The following GALNTL6 variants were observed in gnomAD, a reference collection of about 807,000 sequenced individuals.
GALNTL6 encodes the protein polypeptide N-acetylgalactosaminyltransferase like 6.
GALNTL6 carries 46 observed loss-of-function variants against 73.7 expected under a neutral mutation model. That is an observed-to-expected ratio of 0.62 (90% CI 0.49 to 0.80). The LOEUF (loss-of-function observed/expected upper bound fraction) is 0.80, where lower values mean the gene tolerates loss of function less well. Ranked by LOEUF, GALNTL6 falls within the 30% of genes least tolerant of loss-of-function variation. The pLI, the probability that GALNTL6 is intolerant of heterozygous loss-of-function variation, is 0.00. For missense variants in GALNTL6, 604 were observed against 755.0 expected (o/e 0.80, Z 2.34); for synonymous variants, 259 against 263.7 (o/e 0.98, Z 0.17).
intron 5 of GALNTL6, among the ~76,000 whole-genome samples, chr4:172,483,202 C>T (rs1733553628): frequency 6.6e-6 from 1 of 152,058 alleles, no homozygotes; most frequent in South Asian, 2.1e-4. Flanking sequence ...TATATAATTC[C>T]ATAAACCAAT....
chr4:172,907,429 C>T (rs1746960483), intron 8 of GALNTL6, among the ~76,000 whole-genome samples: 1 of 152,156 alleles, frequency 6.6e-6, no homozygotes, highest in African/African-American at 2.4e-5. Context: ...GTTGAGCTTT[C>T]ACAGGTATGT....
At chr4:172,796,975 T>C (rs891521656) in intron 5 of GALNTL6, among the ~76,000 whole-genome samples, 3 of 152,192 alleles carry the variant, frequency 2.0e-5, no homozygotes, top group Admixed American at 6.5e-5. Flanking sequence ...CTGTTCTTGT[T>C]AGCAGTTATT....
At chr4:172,567,136 C>A (rs1339630195) in intron 5 of GALNTL6, among the ~76,000 whole-genome samples, 2 of 151,888 alleles carry the variant, frequency 1.3e-5, no homozygotes, top group Non-Finnish European at 2.9e-5. Context: ...ATGTCAGATG[C>A]AGCCCCCTAG....
intron 7 of GALNTL6, 134 bp downstream of exon 7, chr4:172,813,857 C>T: frequency 1.6e-6 from 1 of 617,486 alleles, no homozygotes; most frequent in Non-Finnish European, 2.7e-6. Context: ...CAAAACATCA[C>T]AGAAAGGTCA....
At chr4:172,828,564 T>C (rs1164789705) in intron 7 of GALNTL6, among the ~76,000 whole-genome samples, 3 of 151,554 alleles carry the variant, frequency 2.0e-5, no homozygotes, top group African/African-American at 7.3e-5. Flanking sequence ...TAAATTAGCA[T>C]AAAAAAAGAG....
intron 5 of GALNTL6, among the ~76,000 whole-genome samples, chr4:172,462,251 T>C (rs1241541946): frequency 6.6e-6 from 1 of 152,194 alleles, no homozygotes; most frequent in African/African-American, 2.4e-5. Context: ...TTCCCTGTTA[T>C]CTATATCTAT....
chr4:172,383,176 A>AT (rs1252667792), intron 5 of GALNTL6, among the ~76,000 whole-genome samples: 3 of 152,016 alleles, frequency 2.0e-5, no homozygotes, highest in African/African-American at 4.8e-5. Flanking sequence ...AAGGTAATTG[A>AT]TTTTTTTGGT....
At chr4:173,034,501 A>G (rs1472733691) in intron 12 of GALNTL6, among the ~76,000 whole-genome samples, 1 of 152,042 alleles carries the variant, frequency 6.6e-6, no homozygotes, top group Admixed American at 6.6e-5. Context: ...CCCAACCTCC[A>G]TCACCTCTGA....
chr4:172,114,980 G>A (rs961853832), intron 2 of GALNTL6, among the ~76,000 whole-genome samples: 1 of 152,028 alleles, frequency 6.6e-6, no homozygotes, highest in Non-Finnish European at 1.5e-5. Context: ...AAGCACACAA[G>A]CCATTCCCAT....
chr4:172,772,834 A>G (rs1039621815), intron 5 of GALNTL6, among the ~76,000 whole-genome samples: 2 of 152,194 alleles, frequency 1.3e-5, no homozygotes, highest in Non-Finnish European at 2.9e-5. Flanking sequence ...TGGGAGTATT[A>G]TCATGGATTA....
At chr4:172,349,845 A>ATTTT (rs1554016263) in intron 5 of GALNTL6, among the ~76,000 whole-genome samples, 28 of 94,336 alleles carry the variant, frequency 3.0e-4, no homozygotes, top group South Asian at 2.1e-3. Context: ...ATATATATAT[A>ATTTT]TTTTTTTTAA....
At chr4:172,463,152 G>A (rs1732676025) in intron 5 of GALNTL6, among the ~76,000 whole-genome samples, 1 of 152,062 alleles carries the variant, frequency 6.6e-6, no homozygotes. Flanking sequence ...CAAGAGCTTA[G>A]AAGGATTGTA....
intron 2 of GALNTL6, among the ~76,000 whole-genome samples, chr4:172,118,031 A>G (rs1276336610): frequency 2.0e-5 from 3 of 152,128 alleles, no homozygotes; most frequent in Non-Finnish European, 2.9e-5. Context: ...CTGTAAAGCT[A>G]ACCTTTGTGC....
intron 2 of GALNTL6, among the ~76,000 whole-genome samples, chr4:171,852,528 ATATATAGCTTTCTT>A (rs908731150): frequency 1.3e-5 from 2 of 151,380 alleles, no homozygotes; most frequent in East Asian, 3.9e-4. Flanking sequence ...TTATATATAT[ATATATAGCTTTCTT>A]TATATAGCTT....
intron 2 of GALNTL6, among the ~76,000 whole-genome samples, chr4:171,996,833 GA>G (rs1740508172): frequency 1.3e-5 from 2 of 151,766 alleles, no homozygotes; most frequent in Admixed American, 6.6e-5. Context: ...GCCACGGGTT[GA>G]ACAAGCTTGC....
chr4:172,737,964 C>G (rs577201110), intron 5 of GALNTL6, among the ~76,000 whole-genome samples: 1 of 152,118 alleles, frequency 6.6e-6, no homozygotes, highest in Non-Finnish European at 1.5e-5. Flanking sequence ...GGGAACATAC[C>G]TCCTATAGCT....
At chr4:172,830,410 A>G (rs992812173) in intron 7 of GALNTL6, among the ~76,000 whole-genome samples, 1 of 136,168 alleles carries the variant, frequency 7.3e-6, no homozygotes, top group African/African-American at 2.7e-5. Flanking sequence ...TAAAAACGAC[A>G]GTTTACTCAA....
chr4:172,691,121 C>G (rs4538462), intron 5 of GALNTL6, among the ~76,000 whole-genome samples: 149,143 of 152,312 alleles, frequency 0.98, 73,097 homozygotes, highest in Non-Finnish European at 1. Flanking sequence ...AGGAGGACAA[C>G]ATTATAGCTG....
chr4:172,159,211 T>A (rs1734378014), intron 2 of GALNTL6, among the ~76,000 whole-genome samples: 1 of 152,094 alleles, frequency 6.6e-6, no homozygotes, highest in African/African-American at 2.4e-5. Context: ...TCATTCACCC[T>A]CTTGAAGAGA....
Sources: gnomAD v4.1 joint callset for allele counts (sites outside exome capture counted in the v4.1 genomes callset) on GRCh38, gnomAD v4.1.1 for gene constraint, MANE v1.5 for transcripts, NCBI Gene and HGNC (gene_info 2026-07-23, HGNC 2026-07-21) for gene names.